KCNK10: variants seen among roughly 807,000 people sequenced by gnomAD.
KCNK10 encodes the protein potassium two pore domain channel subfamily K member 10.
Under a neutral mutation model 47.7 loss-of-function variants are expected in KCNK10, and 25 were observed. The observed-to-expected ratio is 0.52, with a 90% CI of 0.38 to 0.73. The LOEUF is 0.73. Among genes scored for constraint, KCNK10 ranks in the 30% least tolerant of loss-of-function variants. KCNK10 has a pLI of 0.00. For missense variants in KCNK10, 563 were observed against 714.5 expected (o/e 0.79, Z 2.42); for synonymous variants, 303 against 285.6 (o/e 1.06, Z -0.61).
chr14:88,193,598 G>A (rs1177702912), intron 4 of KCNK10, among the ~76,000 whole-genome samples: 1 of 152,096 alleles, frequency 6.6e-6, no homozygotes, highest in Non-Finnish European at 1.5e-5. Context: ...CACCACATTT[G>A]GGGCAATCAA....
At chr14:88,271,050 T>C in intron 1 of KCNK10, 1 of 495,292 alleles carries the variant, frequency 2.0e-6, no homozygotes, top group Non-Finnish European at 3.6e-6. Flanking sequence ...GAGAAACAGG[T>C]CTCGCTTCCC....
intron 1 of KCNK10, among the ~76,000 whole-genome samples, chr14:88,281,757 TAC>T (rs1022899380): frequency 1.8e-4 from 27 of 146,828 alleles, no homozygotes; most frequent in South Asian, 2.2e-4. Flanking sequence ...TATATACACA[TAC>T]ACACACACAC....
intron 1 of KCNK10, among the ~76,000 whole-genome samples, chr14:88,273,431 T>C (rs1163104404): frequency 6.6e-6 from 1 of 152,230 alleles, no homozygotes; most frequent in Non-Finnish European, 1.5e-5. Context: ...CAGGAAACCC[T>C]GTTCAACAGC....
At chr14:88,193,751 G>T (rs1037316333) in intron 4 of KCNK10, among the ~76,000 whole-genome samples, 15 of 152,292 alleles carry the variant, frequency 9.8e-5, no homozygotes, top group South Asian at 2.1e-4. Flanking sequence ...TGCCACTAAT[G>T]AGCCGAGATT....
chr14:88,234,304 A>G (rs1055903133), intron 3 of KCNK10, among the ~76,000 whole-genome samples: 1 of 152,226 alleles, frequency 6.6e-6, no homozygotes, highest in Non-Finnish European at 1.5e-5. Context: ...ACACCAATAT[A>G]TTTGCAGATT....
At chr14:88,279,659 T>C (rs1341145190) in intron 1 of KCNK10, among the ~76,000 whole-genome samples, 1 of 152,124 alleles carries the variant, frequency 6.6e-6, no homozygotes, top group Non-Finnish European at 1.5e-5. Flanking sequence ...CTGCCAGCTC[T>C]AAGGTAAGGG....
intron 4 of KCNK10, among the ~76,000 whole-genome samples, chr14:88,221,199 G>A (rs1885798833): frequency 6.6e-6 from 1 of 151,778 alleles, no homozygotes; most frequent in South Asian, 2.1e-4. Context: ...CTACTTGGGA[G>A]GCTGAGGCAG....
At chr14:88,218,193 G>A (rs1885685627) in intron 4 of KCNK10, among the ~76,000 whole-genome samples, 1 of 152,080 alleles carries the variant, frequency 6.6e-6, no homozygotes, top group Non-Finnish European at 1.5e-5. Context: ...TAACCCTTTT[G>A]CTGCTGAATG....
rs1742128 is a variant in KCNK10, at chr14:88,182,272, G to A, written c.*3263C>T. 0.23 allele frequency: 34,740 copies of A among 152,164 alleles called. 4,953 individuals are homozygous for A. The highest frequency in any genetic ancestry group is 0.5 in the East Asian group (2,655 of 5,272). The allele number at this position is 152,164 out of a possible 1,614,324, so 9.4% of individuals were successfully genotyped here. A position where few individuals can be genotyped will look rare whatever the true frequency, so the allele number is the denominator to read the frequency against. ...AAGACAGCCCCCACTGAAGATGGTGGACGTGTGCTCTTTCTTTGTGTGAAA... is the reference window on the plus strand; with the variant it reads ...AAGACAGCCCCCACTGAAGATGGTGAACGTGTGCTCTTTCTTTGTGTGAAA... On this transcript the variant is annotated 3_prime_UTR_variant, in exon 7 of 7. Transcript: ENST00000319231.
At chr14:88,279,472 T>C (rs1887599596) in intron 1 of KCNK10, among the ~76,000 whole-genome samples, 2 of 151,756 alleles carry the variant, frequency 1.3e-5, no homozygotes, top group Admixed American at 1.3e-4. Flanking sequence ...ATTCAATGTG[T>C]GCTACCAGAT....
chr14:88,292,346 G>T (rs1223750876), intron 1 of KCNK10, among the ~76,000 whole-genome samples: 1 of 152,128 alleles, frequency 6.6e-6, no homozygotes, highest in Non-Finnish European at 1.5e-5. Flanking sequence ...ATTTTGTTTT[G>T]TTGTTGTTGC....
At chr14:88,318,017 C>T (rs1288643323) in intron 1 of KCNK10, among the ~76,000 whole-genome samples, 1 of 152,220 alleles carries the variant, frequency 6.6e-6, no homozygotes, top group Non-Finnish European at 1.5e-5. Flanking sequence ...GTCCACCCAT[C>T]CACCCTCACT....
In KCNK10 at chr14:88,185,815, T is replaced by C; in HGVS notation, c.1352A>G (p.Lys451Arg). The C allele has an allele frequency of 1.2e-6, 2 of 1,614,196 alleles. No homozygotes were observed. The highest frequency in any genetic ancestry group is 1.7e-6 in the Non-Finnish European group (2 of 1,180,032). Reference protein sequence around the residue: ...QGASEDNIINKFGSTSRLTKR... With the variant: ...QGASEDNIINRFGSTSRLTKR... ...GGTGAGTCTGGAGGTGGACCCGAAC[T>C]TGTTGATGATGTTGTCCTCGGACGC... Residue 451 changes from lysine to arginine, a missense_variant, in exon 7 of 7, where the codon AAG (lysine) becomes AGG (arginine). Transcript: ENST00000319231. The surrounding 1 kb of genome is among the most constrained non-coding windows in gnomAD (Gnocchi z 4.3).
intron 1 of KCNK10, among the ~76,000 whole-genome samples, chr14:88,293,867 T>C (rs1350115979): frequency 6.6e-6 from 1 of 151,952 alleles, no homozygotes; most frequent in East Asian, 1.9e-4. Context: ...TTTTTAGAGA[T>C]AGGGTCTCAC....
chr14:88,203,334 T>C (rs1885163834), intron 4 of KCNK10, among the ~76,000 whole-genome samples: 1 of 152,364 alleles, frequency 6.6e-6, no homozygotes, highest in Middle Eastern at 3.4e-3. Context: ...AATATCCTTT[T>C]TAAAATTATT....
chr14:88,196,216 A>G (rs546792923), intron 4 of KCNK10, among the ~76,000 whole-genome samples: 1 of 152,138 alleles, frequency 6.6e-6, no homozygotes, highest in African/African-American at 2.4e-5. Flanking sequence ...AGTACTCAAA[A>G]CCCATCTCCT....
rs376820212 is a variant in KCNK10 at position 88,315,603 on chromosome 14, C to T, written c.52+7144G>A. Among the ~76,000 whole-genome samples, 15 of 152,176 alleles carry T rather than the reference C, an allele frequency of 9.9e-5. No individual in the cohort carries two copies. In the South Asian group the frequency reaches 3.1e-3, roughly 32 times the overall value. The stretch of plus-strand genomic sequence containing the variant: ...ATTATTTAGGGGATCTCGAGTTCTG[C>T]TTGCACATAAGAAACTCATTTTCTT... On this transcript the variant is annotated intron_variant, in intron 1 of 6. Transcript: ENST00000319231.
chr14:88,240,748 G>A lies in KCNK10; in HGVS notation c.475C>T (p.Leu159Phe). 6.2e-7 allele frequency: 1 copy of A among 1,613,870 alleles called. No individual in the cohort carries two copies. The highest frequency in any genetic ancestry group is 1.3e-5 in the African/African-American group (1 of 75,022). ...NSSNNSSHWD[L>F]GSAFFFAGTV... The stretch of plus-strand genomic sequence containing the variant: ...CCAGCAAAGAAAAAGGCACTGCCGA[G>A]GTCCCAGTGGCTGCTGTTGTTGGAA... The change falls in exon 3 of 7, where the codon CTC becomes TTC. Residue 159 changes from leucine to phenylalanine, a missense_variant. Leu to Phe is a conservative substitution (Grantham distance 22, BLOSUM62 0). Transcript: ENST00000319231.
chr14:88,286,327 G>C (rs1163349369), intron 1 of KCNK10, among the ~76,000 whole-genome samples: 1 of 152,116 alleles, frequency 6.6e-6, no homozygotes, highest in African/African-American at 2.4e-5. Flanking sequence ...TAAAATGCTT[G>C]TTTTATGCCA....
Sources: gnomAD v4.1 joint callset for allele counts (sites outside exome capture counted in the v4.1 genomes callset) on GRCh38, gnomAD v4.1.1 for gene constraint, Gnocchi (gnomAD v3.1) non-coding constraint, MANE v1.5 for transcripts, NCBI Gene and HGNC (gene_info 2026-07-23, HGNC 2026-07-21) for gene names.